Variants in COP1 observed in about 807,000 individuals in gnomAD.
COP1 encodes COP1 E3 ubiquitin ligase, also known as E3 ubiquitin-protein ligase COP1.
A neutral mutation model predicts 101.3 loss-of-function variants in COP1; 24 were observed. The ratio of observed to expected loss-of-function variants is 0.24; its 90% CI spans 0.17 to 0.33. The LOEUF is 0.33. Among genes scored for constraint, COP1 ranks in the 10% least tolerant of loss-of-function variants. COP1 has a pLI of 1.00. For missense variants in COP1, 663 were observed against 906.2 expected (o/e 0.73, Z 3.45); for synonymous variants, 347 against 341.9 (o/e 1.01, Z -0.17).
intron 1 of COP1, among the ~76,000 whole-genome samples, chr1:176,189,100 A>G (rs1377103756): frequency 6.6e-6 from 1 of 152,194 alleles, no homozygotes. Flanking sequence ...AAACTGCTAA[A>G]ACCAAAAATA....
At chr1:176,185,527 G>A (rs552871558) in intron 1 of COP1, among the ~76,000 whole-genome samples, 4 of 152,288 alleles carry the variant, frequency 2.6e-5, no homozygotes, top group African/African-American at 9.6e-5. Flanking sequence ...TCTGGCCAGT[G>A]AAATATAGAC....
At chr1:176,110,718 T>C (rs1487878625) in intron 9 of COP1, among the ~76,000 whole-genome samples, 1 of 152,182 alleles carries the variant, frequency 6.6e-6, no homozygotes, top group African/African-American at 2.4e-5. Flanking sequence ...GCTGGTTGAA[T>C]AAATGAGTAT....
chr1:176,128,189 G>A (rs1688337131), intron 8 of COP1, among the ~76,000 whole-genome samples: 1 of 152,054 alleles, frequency 6.6e-6, no homozygotes. Flanking sequence ...CTAACACAGT[G>A]TTTTATACAC....
intron 10 of COP1, among the ~76,000 whole-genome samples, chr1:176,082,007 T>C (rs760749537): frequency 5.3e-5 from 8 of 152,174 alleles, no homozygotes; most frequent in African/African-American, 1.4e-4. Flanking sequence ...CAGTAAACTA[T>C]TGGAAGATAA....
chr1:175,954,918 C>T (rs183272392), intron 18 of COP1, among the ~76,000 whole-genome samples: 1 of 151,532 alleles, frequency 6.6e-6, no homozygotes, highest in African/African-American at 2.4e-5. Context: ...AATTGGTTTT[C>T]AACATTAAAA....
At chr1:176,003,020 T>C (rs897470550) in intron 15 of COP1, among the ~76,000 whole-genome samples, 2 of 149,864 alleles carry the variant, frequency 1.3e-5, no homozygotes, top group African/African-American at 4.9e-5. Context: ...CAGCACCTGT[T>C]GTTTCCTGAG....
intron 6 of COP1, among the ~76,000 whole-genome samples, chr1:176,139,027 T>G (rs1262831494): frequency 6.6e-6 from 1 of 151,804 alleles, no homozygotes; most frequent in Non-Finnish European, 1.5e-5. Context: ...GAAGAATGAG[T>G]ATCTGACAAA....
chr1:176,106,626 A>C (rs1357735411), intron 9 of COP1, among the ~76,000 whole-genome samples: 1 of 152,146 alleles, frequency 6.6e-6, no homozygotes, highest in African/African-American at 2.4e-5. Context: ...GACCCAGTGC[A>C]AGAGGACAGC....
chr1:175,965,958 T>C (rs1259654256), intron 18 of COP1, among the ~76,000 whole-genome samples: 1 of 152,178 alleles, frequency 6.6e-6, no homozygotes, highest in Non-Finnish European at 1.5e-5. Flanking sequence ...TAGACATAAA[T>C]CTACGCTGCA....
At chr1:176,084,529 G>C (rs1170360026) in intron 10 of COP1, among the ~76,000 whole-genome samples, 1 of 152,046 alleles carries the variant, frequency 6.6e-6, no homozygotes, top group Non-Finnish European at 1.5e-5. Context: ...AACCAAAAAA[G>C]AGCCCACATT....
At chr1:176,137,450 T>C (rs984213326) in intron 6 of COP1, among the ~76,000 whole-genome samples, 1 of 152,178 alleles carries the variant, frequency 6.6e-6, no homozygotes, top group African/African-American at 2.4e-5. Flanking sequence ...CCAGAAACAC[T>C]ATACCAATTT....
chr1:176,166,446 G>C (rs569450430), intron 3 of COP1, among the ~76,000 whole-genome samples: 1 of 152,218 alleles, frequency 6.6e-6, no homozygotes, highest in East Asian at 1.9e-4. Flanking sequence ...AGCCTGTAAA[G>C]GCCACAAAAT....
intron 1 of COP1, among the ~76,000 whole-genome samples, chr1:176,199,272 G>A (rs1033661089): frequency 1.3e-5 from 2 of 152,082 alleles, no homozygotes; most frequent in East Asian, 1.9e-4. Context: ...AGCTGAGATC[G>A]TGCCACTGCA....
intron 9 of COP1, among the ~76,000 whole-genome samples, chr1:176,090,832 T>C (rs953294470): frequency 3.9e-5 from 6 of 152,050 alleles, no homozygotes; most frequent in Middle Eastern, 3.2e-3. Flanking sequence ...GAAGAAATAT[T>C]GGAAGAGTTG....
intron 14 of COP1, among the ~76,000 whole-genome samples, chr1:176,038,265 G>C (rs193078352): frequency 7.7e-4 from 117 of 152,224 alleles, no homozygotes; most frequent in Non-Finnish European, 1.4e-3. Flanking sequence ...CATATGGAGA[G>C]ATAAACCATG....
At chr1:176,197,281 G>A (rs1699799738) in intron 1 of COP1, among the ~76,000 whole-genome samples, 2 of 152,132 alleles carry the variant, frequency 1.3e-5, no homozygotes, top group African/African-American at 4.8e-5. Flanking sequence ...CAGGTGTGGT[G>A]ACACATGCCT....
intron 11 of COP1, among the ~76,000 whole-genome samples, chr1:176,056,645 T>C (rs1398342991): frequency 6.6e-6 from 1 of 152,192 alleles, no homozygotes; most frequent in Non-Finnish European, 1.5e-5. Flanking sequence ...GTTTATGTTA[T>C]AATCTACTAT....
At chr1:176,027,515 C>T (rs1667883620) in intron 15 of COP1, 57 bp downstream of exon 15, 1 of 1,005,082 alleles carries the variant, frequency 9.9e-7, no homozygotes. Context: ...GCTCTCCTAT[C>T]CTTACCATGA....
At chr1:176,123,626 G>A (rs374164603) in intron 8 of COP1, among the ~76,000 whole-genome samples, 11 of 151,846 alleles carry the variant, frequency 7.2e-5, no homozygotes, top group African/African-American at 2.4e-4. Context: ...TAACTTTTCC[G>A]GCCCTCTCAA....
Sources: allele counts gnomAD v4.1 joint callset (sites outside exome capture counted in the v4.1 genomes callset), GRCh38; gene constraint gnomAD v4.1.1; transcripts MANE v1.5; gene names NCBI Gene and HGNC (gene_info 2026-07-23, HGNC 2026-07-21).